The following INTU variants were observed in gnomAD, a reference collection of about 807,000 sequenced individuals.
The protein encoded by INTU is inturned planar cell polarity protein.
INTU carries 68 observed loss-of-function variants against 100.5 expected under a neutral mutation model. That is an observed-to-expected ratio of 0.68 (90% confidence interval 0.56 to 0.83). INTU has a LOEUF of 0.83. INTU is among the 40% of genes least tolerant of loss of function. The pLI, the probability that INTU is intolerant of heterozygous loss-of-function variation, is 0.00. For synonymous variants in INTU, 357 were observed against 395.7 expected, an observed-to-expected ratio of 0.90 and a Z score of 1.16; for missense variants, 1,071 against 1,114.7, an observed-to-expected ratio of 0.96 and a Z score of 0.56.
At chr4:127,650,214 TTTTAA>T (rs1727780432) in intron 2 of INTU, among the ~76,000 whole-genome samples, 1 of 152,124 alleles carries the variant, frequency 6.6e-6, no homozygotes, top group Non-Finnish European at 1.5e-5. Context: ...TTTTGTTTTG[TTTTAA>T]TTTTTTAATT....
intron 2 of INTU, among the ~76,000 whole-genome samples, chr4:127,649,187 A>T (rs1338788266): frequency 6.6e-6 from 1 of 152,192 alleles, no homozygotes; most frequent in Non-Finnish European, 1.5e-5. Context: ...CCTTAAAGGA[A>T]AGGAACTCTG....
chr4:127,701,072 C>T (rs1366232248), intron 9 of INTU, among the ~76,000 whole-genome samples: 1 of 152,070 alleles, frequency 6.6e-6, no homozygotes, highest in Admixed American at 6.6e-5. Context: ...AGAAAAACAG[C>T]AGATAATATG....
chr4:127,684,681 A>G lies in INTU; in HGVS notation c.1259+195A>G, dbSNP rs536994076. 3.0e-5 allele frequency among the ~76,000 whole-genome samples: 4 copies of G among 135,132 alleles called. 1 individual carries two copies. Among genetic ancestry groups the G allele is most frequent in the Admixed American group, 8.1e-5 (1 of 12,344 alleles). 88.7% of individuals were successfully genotyped at this position (135,132 alleles called of 152,430 possible). A position where few individuals can be genotyped will look rare whatever the true frequency, so the allele number is the denominator to read the frequency against. ...CCTCCTCTTCCTTCCCCCTTTCTCT[A>G]TCCTTATTCCTCCACCTCCTTCTTT... On this transcript the variant is annotated intron_variant, in intron 7 of 15. Transcript: ENST00000335251.
chr4:127,686,769 A>G (rs990270112), intron 7 of INTU: 1 of 152,194 alleles, frequency 6.6e-6, no homozygotes, highest in Non-Finnish European at 1.5e-5. Context: ...CATAAGCTTC[A>G]TGGGAGCTCA....
rs61239024 is a variant in INTU at position 127,640,572 on chromosome 4, TATATATATATATATATATAC to T, written c.147-2943_147-2924del. 7.2e-3 allele frequency among the ~76,000 whole-genome samples: 525 copies of T among 73,280 alleles called. 33 individuals carry two copies. Among genetic ancestry groups the T allele is most frequent in the African/African-American group, 0.029 (500 of 16,988 alleles). The allele number at this position is 73,280 out of a possible 152,430, so 48.1% of individuals were successfully genotyped here. A position where few individuals can be genotyped will look rare whatever the true frequency, so the allele number is the denominator to read the frequency against. On this transcript the variant is annotated intron_variant, in intron 1 of 15. Coordinates refer to ENST00000335251, the MANE Select transcript of INTU (RefSeq NM_015693.4). ...ATATATATATATATATATATATATA[TATATATATATATATATATAC>T]ATATACATAAACACACATGTGTATA...
In INTU at chr4:127,711,055, T is replaced by C. The variant is rs144025772; in HGVS notation, c.2512T>C (p.Cys838Arg). 1.4e-3 allele frequency: 2,210 copies of C among 1,607,242 alleles called. 4 individuals carry two copies. The highest frequency in any genetic ancestry group is 1.7e-3 in the Non-Finnish European group (2,005 of 1,175,204). ...TCAGCTAATAAAGAATTTCCATCAG[T>C]GTTGTCTTTCCATTCGTGCAGTTTT... ...HPQLIKNFHQ[C>R]CLSIRAVFQQ... Residue 838 changes from cysteine to arginine, a missense_variant, in exon 14 of 16, where the codon TGT becomes CGT. Transcript: ENST00000335251.
At chr4:127,694,589 T>C (rs1410801524) in intron 8 of INTU, among the ~76,000 whole-genome samples, 1 of 152,162 alleles carries the variant, frequency 6.6e-6, no homozygotes, top group Non-Finnish European at 1.5e-5. Flanking sequence ...AAAGTTAGTG[T>C]CATACCCAGT....
At chr4:127,685,861 T>C (rs984710838) in intron 7 of INTU, 5 of 152,750 alleles carry the variant, frequency 3.3e-5, no homozygotes, top group Admixed American at 2.0e-4. Flanking sequence ...AATTTCTCTT[T>C]CATCTTGAAA....
chr4:127,658,609 T>G (rs1728340679), intron 3 of INTU, among the ~76,000 whole-genome samples: 1 of 152,214 alleles, frequency 6.6e-6, no homozygotes, highest in South Asian at 2.1e-4. Context: ...GCAGGTGTGC[T>G]TCCAGTATTG....
chr4:127,665,772 C>T (rs1206897329), intron 4 of INTU, among the ~76,000 whole-genome samples: 1 of 152,082 alleles, frequency 6.6e-6, no homozygotes, highest in Non-Finnish European at 1.5e-5. Context: ...TCACATGGGA[C>T]ATTTTGGAGA....
rs373900644 is a variant in INTU, at chr4:127,663,438, C to T, written c.826C>T (p.Gln276Ter). The stretch of plus-strand genomic sequence containing the variant: ...GAAAAGGGAGACGTCCCATCCAAGA[C>T]AGAAAAAGACACAGTCCAACACAAG... ...DVKRETSHPR[Q>*]KKTQSNTSDL... The change falls in exon 4 of 16, where the codon CAG becomes TAG. Residue 276 changes from glutamine (Q) to a stop codon, truncating the protein, a stop_gained. Transcript: ENST00000335251. LOFTEE classifies it high-confidence loss of function. 18 of 1,613,128 alleles carry T rather than the reference C, an allele frequency of 1.1e-5. No homozygotes were observed. Among genetic ancestry groups the T allele is most frequent in the Non-Finnish European group, 1.4e-5 (17 of 1,179,414 alleles).
intron 13 of INTU, among the ~76,000 whole-genome samples, chr4:127,709,711 T>TCACACACACACACA (rs3066389): frequency 0.013 from 1,804 of 143,358 alleles, 28 homozygotes; most frequent in East Asian, 0.047. Context: ...CTAATAGAAT[T>TCACACACACACACA]CACACACACA....
At chr4:127,652,279 G>A (rs1451331665) in intron 2 of INTU, among the ~76,000 whole-genome samples, 1 of 148,400 alleles carries the variant, frequency 6.7e-6, no homozygotes, top group African/African-American at 2.6e-5. Flanking sequence ...GGTGAGAGAC[G>A]GCATCCCTGT....
intron 6 of INTU, among the ~76,000 whole-genome samples, chr4:127,678,472 C>T (rs913266860): frequency 3.0e-4 from 45 of 152,278 alleles, no homozygotes; most frequent in African/African-American, 1.0e-3. Flanking sequence ...GAAGAATTTT[C>T]AACCCAGAAT....
At chr4:127,708,904 T>TTTG (rs1198013051) in intron 13 of INTU, among the ~76,000 whole-genome samples, 1 of 152,190 alleles carries the variant, frequency 6.6e-6, no homozygotes, top group Non-Finnish European at 1.5e-5. Flanking sequence ...AAGTCTCCCT[T>TTTG]TATCTCTCCA....
intron 4 of INTU, among the ~76,000 whole-genome samples, chr4:127,666,324 C>G (rs73847036): frequency 0.017 from 2,647 of 152,076 alleles, 65 homozygotes; most frequent in African/African-American, 0.06. Context: ...GTAATGGTTT[C>G]CCTTCTTATG....
At position 127,711,051 on chromosome 4, in the gene INTU, T is replaced by A. The variant is rs149915642; in HGVS notation, c.2508T>A (p.His836Gln). The change falls in exon 14 of 16, where the codon CAT (histidine) becomes CAA (glutamine). Residue 836 changes from histidine (H) to glutamine (Q), a missense_variant. By Grantham distance (24) the His-to-Gln change is conservative (BLOSUM62 0). Coordinates refer to ENST00000335251, the MANE Select transcript of INTU (RefSeq NM_015693.4). ...SIHPQLIKNF[H>Q]QCCLSIRAVF... The stretch of plus-strand genomic sequence containing the variant: ...ACCCTCAGCTAATAAAGAATTTCCA[T>A]CAGTGTTGTCTTTCCATTCGTGCAG... 6.2e-7 allele frequency: 1 copy of A among 1,608,204 alleles called. No homozygotes were observed. The highest frequency in any genetic ancestry group is 1.3e-5 in the African/African-American group (1 of 74,872).
chr4:127,708,769 A>T, intron 13 of INTU, 101 bp downstream of exon 13: 1 of 614,812 alleles, frequency 1.6e-6, no homozygotes, highest in Non-Finnish European at 2.9e-6. Flanking sequence ...TGTAATTCTG[A>T]TATATCTTAC....
chr4:127,682,226 C>T (rs1035450714), intron 6 of INTU, among the ~76,000 whole-genome samples: 1 of 151,966 alleles, frequency 6.6e-6, no homozygotes, highest in Non-Finnish European at 1.5e-5. Context: ...ACTAGAAATA[C>T]GATTTGACCC....
Sources: allele counts gnomAD v4.1 joint callset (sites outside exome capture counted in the v4.1 genomes callset), GRCh38; gene constraint gnomAD v4.1.1; transcripts MANE v1.5; gene names NCBI Gene and HGNC (gene_info 2026-07-23, HGNC 2026-07-21).